Variants in CADPS observed in about 807,000 individuals in gnomAD.
The protein encoded by CADPS is calcium dependent secretion activator, also known as calcium-dependent secretion activator 1.
Under a neutral mutation model 167.3 loss-of-function variants are expected in CADPS, and 57 were observed. The ratio of observed to expected loss-of-function variants is 0.34; its 90% CI spans 0.28 to 0.42. The LOEUF is 0.42. Among genes scored for constraint, CADPS ranks in the 20% least tolerant of loss-of-function variants. CADPS has a pLI of 1.00. For synonymous variants in CADPS, 676 were observed against 635.3 expected (o/e 1.06, Z -0.96); for missense variants, 1,414 against 1,738.1 (o/e 0.81, Z 3.32).
At chr3:62,516,498 G>A (rs1577090861) in intron 15 of CADPS, 82 bp downstream of exon 15, 1 of 1,078,234 alleles carries the variant, frequency 9.3e-7, no homozygotes, top group African/African-American at 1.6e-5. Flanking sequence ...TTACAACTAG[G>A]TCATTCAACC....
chr3:62,671,201 T>C (rs891416010), intron 3 of CADPS, among the ~76,000 whole-genome samples: 1 of 152,016 alleles, frequency 6.6e-6, no homozygotes, highest in Non-Finnish European at 1.5e-5. Context: ...ATATGAGGGG[T>C]TGCAAGGTTA....
chr3:62,663,434 A>G (rs1217582044), intron 3 of CADPS, among the ~76,000 whole-genome samples: 1 of 152,180 alleles, frequency 6.6e-6, no homozygotes, highest in Non-Finnish European at 1.5e-5. Flanking sequence ...TCAGAAAGTT[A>G]TATTTTATTC....
At chr3:62,840,763 C>A (rs535386344) in intron 1 of CADPS, among the ~76,000 whole-genome samples, 167 of 152,204 alleles carry the variant, frequency 1.1e-3, no homozygotes, top group African/African-American at 3.7e-3. Flanking sequence ...CCTGGAGCAG[C>A]AGAACTGTGT....
At chr3:62,595,488 T>C (rs1246413242) in intron 6 of CADPS, among the ~76,000 whole-genome samples, 2 of 152,308 alleles carry the variant, frequency 1.3e-5, no homozygotes, top group African/African-American at 2.4e-5. Flanking sequence ...TCCTCAGCTA[T>C]AAAATAAGCT....
intron 6 of CADPS, among the ~76,000 whole-genome samples, chr3:62,642,814 G>A (rs62242486): frequency 1.3e-5 from 2 of 152,148 alleles, no homozygotes; most frequent in Non-Finnish European, 2.9e-5. Flanking sequence ...GGAGACTGAG[G>A]TGGGAGGATC....
At chr3:62,497,228 A>G (rs2064962336) in intron 18 of CADPS, among the ~76,000 whole-genome samples, 1 of 152,212 alleles carries the variant, frequency 6.6e-6, no homozygotes, top group Non-Finnish European at 1.5e-5. Context: ...CTTAGCCCGT[A>G]GCAGCCTCCA....
At chr3:62,639,277 C>G (rs908920074) in intron 6 of CADPS, among the ~76,000 whole-genome samples, 1 of 152,078 alleles carries the variant, frequency 6.6e-6, no homozygotes, top group Non-Finnish European at 1.5e-5. Context: ...AAACCTTTTT[C>G]TGGAAGGAAA....
At chr3:62,860,728 G>C (rs1468186741) in intron 1 of CADPS, among the ~76,000 whole-genome samples, 1 of 152,134 alleles carries the variant, frequency 6.6e-6, no homozygotes, top group African/African-American at 2.4e-5. Flanking sequence ...TGGTACCAAA[G>C]AATGTGCAAG....
At chr3:62,512,195 G>A (rs1312341069) in intron 17 of CADPS, among the ~76,000 whole-genome samples, 1 of 152,084 alleles carries the variant, frequency 6.6e-6, no homozygotes, top group Non-Finnish European at 1.5e-5. Context: ...GACCAAACAA[G>A]AAGAAAATTT....
At chr3:62,599,372 A>G (rs949129632) in intron 6 of CADPS, among the ~76,000 whole-genome samples, 1 of 149,702 alleles carries the variant, frequency 6.7e-6, no homozygotes, top group African/African-American at 2.5e-5. Context: ...TAGTGCTTCT[A>G]ATGAATTATC....
At chr3:62,741,745 T>A (rs2080300895) in intron 3 of CADPS, among the ~76,000 whole-genome samples, 1 of 152,102 alleles carries the variant, frequency 6.6e-6, no homozygotes, top group Non-Finnish European at 1.5e-5. Context: ...GCCACTTCTA[T>A]CCAACACTGT....
chr3:62,828,925 C>T (rs559773482), intron 1 of CADPS, among the ~76,000 whole-genome samples: 3 of 152,250 alleles, frequency 2.0e-5, no homozygotes, highest in South Asian at 2.1e-4. Flanking sequence ...CCATTTCATA[C>T]CACTTCCAAC....
intron 1 of CADPS, among the ~76,000 whole-genome samples, chr3:62,810,844 C>T (rs1011438345): frequency 2.2e-4 from 33 of 152,216 alleles, no homozygotes; most frequent in African/African-American, 8.0e-4. Flanking sequence ...GCGCAGGGCT[C>T]TTACGTGTGT....
chr3:62,730,204 A>C (rs1348147287), intron 3 of CADPS, among the ~76,000 whole-genome samples: 1 of 152,114 alleles, frequency 6.6e-6, no homozygotes, highest in Non-Finnish European at 1.5e-5. Context: ...CTGACGTCAC[A>C]TTCCTACCCC....
Position 62,713,769 on chromosome 3 carries a change from C to T in CADPS, c.888+39672G>A, listed in dbSNP as rs1028600220. ...TCAGTGGGACCTGTCCATTAAGGAGCCTTGTCAAGGAGTGATACTGTAACC... is the reference window on the plus strand; with the variant it reads ...TCAGTGGGACCTGTCCATTAAGGAGTCTTGTCAAGGAGTGATACTGTAACC... On this transcript the variant is annotated intron_variant, in intron 3 of 29. Coordinates refer to ENST00000383710, the MANE Select transcript of CADPS (RefSeq NM_003716.4). 2.6e-5 allele frequency among the ~76,000 whole-genome samples: 4 copies of T among 152,146 alleles called. No homozygotes were observed. The East Asian group carries it at 7.7e-4, about 29-fold the overall frequency.
At chr3:62,477,308 A>G (rs1190654763) in intron 23 of CADPS, among the ~76,000 whole-genome samples, 1 of 113,002 alleles carries the variant, frequency 8.8e-6, no homozygotes, top group African/African-American at 3.7e-5. Flanking sequence ...GCTGCTTGCA[A>G]TCTGGGTTTT....
chr3:62,612,793 G>A (rs1381595058), intron 6 of CADPS, among the ~76,000 whole-genome samples: 3 of 152,140 alleles, frequency 2.0e-5, no homozygotes, highest in African/African-American at 4.8e-5. Context: ...TACTGATTTA[G>A]CCTCCTTTGT....
At chr3:62,430,513 T>C (rs1344219326) in intron 28 of CADPS, among the ~76,000 whole-genome samples, 8 of 152,108 alleles carry the variant, frequency 5.3e-5, no homozygotes, top group African/African-American at 1.9e-4. Flanking sequence ...GCATAAGTCA[T>C]GAAAACGAAC....
intron 9 of CADPS, among the ~76,000 whole-genome samples, chr3:62,570,169 A>G (rs1280332335): frequency 6.6e-6 from 1 of 152,096 alleles, no homozygotes; most frequent in Non-Finnish European, 1.5e-5. Flanking sequence ...AAACATTGAA[A>G]GGTATCTAAA....
Sources: gnomAD v4.1 joint callset for allele counts (sites outside exome capture counted in the v4.1 genomes callset) on GRCh38, gnomAD v4.1.1 for gene constraint, MANE v1.5 for transcripts, NCBI Gene and HGNC (gene_info 2026-07-23, HGNC 2026-07-21) for gene names.